NUP188: variants seen among roughly 807,000 people sequenced by gnomAD.
The protein encoded by NUP188 is nucleoporin 188, also known as nucleoporin NUP188.
NUP188 carries 97 observed loss-of-function variants against 223.0 expected under a neutral mutation model. That is an observed-to-expected ratio of 0.43 (90% CI 0.37 to 0.51). The LOEUF is 0.51. Among genes scored for constraint, NUP188 ranks in the 20% least tolerant of loss-of-function variants. NUP188 has a pLI of 0.00. For synonymous variants in NUP188, 869 were observed against 828.0 expected (o/e 1.05, Z -0.85); for missense variants, 1,947 against 2,175.6 (o/e 0.89, Z 2.09).
intron 30 of NUP188, among the ~76,000 whole-genome samples, 173 bp from the exon 31 acceptor site, chr9:128,997,978 C>G (rs1842559480): frequency 6.6e-6 from 1 of 152,142 alleles, no homozygotes; most frequent in Non-Finnish European, 1.5e-5. Context: ...CTCAGCCTCC[C>G]AAAGTGTTAG....
In NUP188 at chr9:128,958,001, TC is replaced by T. The variant is rs1355804831; in HGVS notation, c.328-8del. ...GATGGCCTCTTAACTGCTCTGTTTT[TC>T]TTTTCAGACAGTACTGCAAGATGAG... On this transcript the variant is annotated splice_region_variant and splice_polypyrimidine_tract_variant and intron_variant, in intron 5 of 43. Transcript: ENST00000372577. 2 of 1,610,686 alleles carry T rather than the reference TC, an allele frequency of 1.2e-6. No individual in the cohort carries two copies. Among genetic ancestry groups the T allele is most frequent in the African/African-American group, 2.7e-5 (2 of 74,830 alleles).
intron 14 of NUP188, 91 bp downstream of exon 14, chr9:128,980,816 T>A: frequency 2.2e-6 from 3 of 1,340,814 alleles, no homozygotes; most frequent in Non-Finnish European, 3.1e-6. Flanking sequence ...ATTGCAGTTC[T>A]ACTGCCATGA....
At chr9:128,986,971 C>T (rs1370511014) in intron 22 of NUP188, 96 bp downstream of exon 22, 3 of 1,069,422 alleles carry the variant, frequency 2.8e-6, no homozygotes, top group Admixed American at 2.1e-5. Context: ...GAGAATTTAC[C>T]TTGCTTGAGC....
chr9:128,988,267 G>A, intron 24 of NUP188, 81 bp downstream of exon 24: 1 of 1,492,716 alleles, frequency 6.7e-7, no homozygotes, highest in Non-Finnish European at 9.2e-7. Flanking sequence ...ATCTTAGGCA[G>A]TGTTTTTGGA....
At position 128,956,750 on chromosome 9, in the gene NUP188, A is replaced by G. The variant is rs1413516909; in HGVS notation, c.247-202A>G. On this transcript the variant is annotated intron_variant, in intron 4 of 43. Transcript: ENST00000372577. ...ATAAGCATCGTTGTTTCTGGCATGT[A>G]CATTTAATTGTAATAAAAATTGTAT... Among the ~76,000 whole-genome samples, 5 of 152,214 alleles carry G rather than the reference A, an allele frequency of 3.3e-5. No individual in the cohort carries two copies. In the East Asian group the frequency reaches 9.6e-4, roughly 29 times the overall value.
chr9:129,003,177 C>A, intron 37 of NUP188, 140 bp from the exon 38 acceptor site: 1 of 1,190,784 alleles, frequency 8.4e-7, no homozygotes, highest in Non-Finnish European at 1.2e-6. Flanking sequence ...GGTCAGAATC[C>A]TGGTTGTACC....
intron 12 of NUP188, among the ~76,000 whole-genome samples, chr9:128,976,742 C>T (rs1842181007): frequency 6.6e-6 from 1 of 151,478 alleles, no homozygotes; most frequent in Admixed American, 6.6e-5. Context: ...TGGGAGAATT[C>T]TGGTTACTTT....
chr9:128,998,463 T>G (rs1842569770), intron 31 of NUP188, 75 bp from the exon 32 acceptor site: 1 of 1,324,046 alleles, frequency 7.6e-7, no homozygotes, highest in South Asian at 1.2e-5. Context: ...AGAAAGGCAA[T>G]GAGGCCGGAG....
Position 129,001,590 on chromosome 9 carries a change from C to T in NUP188, c.3905C>T (p.Ser1302Phe). The T allele has an allele frequency of 6.2e-7, 1 of 1,614,064 alleles. No homozygotes were observed. The highest frequency in any genetic ancestry group is 8.5e-7 in the Non-Finnish European group (1 of 1,180,022). ...TGTGAGGTAGACGAGGATGGTGACT[C>T]CTGGCTGCAGGTAACCCGCAGGCTC... ...ELCEVDEDGD[S>F]WLQVTRRLPI... Residue 1302 changes from serine to phenylalanine, a missense_variant, in exon 35 of 44, where the codon TCC (serine) becomes TTC (phenylalanine). Ser to Phe is a radical substitution (Grantham distance 155, BLOSUM62 -2). Coordinates refer to ENST00000372577, the MANE Select transcript of NUP188 (RefSeq NM_015354.3).
intron 29 of NUP188, 192 bp downstream of exon 29, chr9:128,995,115 G>T (rs1842499684): frequency 1.6e-6 from 1 of 637,018 alleles, no homozygotes; most frequent in Non-Finnish European, 2.8e-6. Context: ...AAGAGTTATT[G>T]TGAAGCAAAC....
intron 22 of NUP188, 69 bp from the exon 23 acceptor site, chr9:128,987,520 G>C: frequency 6.6e-7 from 1 of 1,525,796 alleles, no homozygotes; most frequent in Non-Finnish European, 8.9e-7. Flanking sequence ...TAGCCTAATT[G>C]GACAATGCCC....
At chr9:128,958,202 A>C in intron 6 of NUP188, 148 bp downstream of exon 6, 1 of 623,442 alleles carries the variant, frequency 1.6e-6, no homozygotes. Flanking sequence ...ATTTATGAAA[A>C]GATGCTTTTA....
intron 25 of NUP188, 56 bp from the exon 26 acceptor site, chr9:128,993,141 C>A: frequency 7.0e-7 from 1 of 1,437,776 alleles, no homozygotes; most frequent in Non-Finnish European, 9.8e-7. Flanking sequence ...TGTGGGAGCC[C>A]ATTGAGGTTT....
At position 128,988,176 on chromosome 9, in the gene NUP188, CTCACAACATGGTATGTATTTCTCTTCCAG is replaced by C; in HGVS notation, c.2533+23_2533+51del. ...TGGTGTCCCCCCTGGAACAGGCTCT[CTCACAACATGGTATGTATTTCTCTTCCAG>C]TCACAACATGGTATGTATTTCTCTT... is the stretch of plus-strand genomic sequence containing the variant. On this transcript the variant is annotated splice_donor_variant and splice_donor_5th_base_variant and coding_sequence_variant and intron_variant, in exon 24 of 44. Coordinates refer to ENST00000372577, the MANE Select transcript of NUP188 (RefSeq NM_015354.3). LOFTEE classifies it high-confidence loss of function. The C allele has an allele frequency of 4.3e-5, 69 of 1,614,046 alleles. No individual in the cohort carries two copies. Among genetic ancestry groups the C allele is most frequent in the African/African-American group, 4.3e-4 (32 of 75,058 alleles).
Position 128,986,587 on chromosome 9 carries a change from A to T in NUP188, c.2106A>T (p.Gly702=), listed in dbSNP as rs755415492. ...AACTTGGTAGTACCCAGAGCCAAGG[A>T]CTTGTACCCTGTGTAATGTTTGTGC... ...KGQLGSTQSQ[G]LVPCVMFVLK... Residue 702 remains glycine (G), a synonymous_variant, in exon 21 of 44, where the codon GGA becomes GGT. Coordinates refer to ENST00000372577, the MANE Select transcript of NUP188 (RefSeq NM_015354.3). 1.5e-5 allele frequency: 25 copies of T among 1,614,030 alleles called. No individual in the cohort carries two copies. The Admixed American group carries it at 2.7e-4, about 17-fold the overall frequency.
In NUP188 at chr9:128,987,664, C is replaced by A. The variant is rs200153843; in HGVS notation, c.2340C>A (p.Ile780=). ...AAGCAGGACAGACAGTTATCAATAT[C>A]ATGGGCATTGGCGTGGACACCATTG... The part of the protein sequence containing the change: ...YTEAGQTVIN[I]MGIGVDTIDM... Residue 780 remains isoleucine (I), a synonymous_variant, in exon 23 of 44, where the codon ATC becomes ATA. Transcript: ENST00000372577. 170 of 1,614,014 alleles carry A rather than the reference C, an allele frequency of 1.1e-4. No homozygotes were observed. Among genetic ancestry groups the A allele is most frequent in the South Asian group, 2.2e-5 (2 of 91,060 alleles).
intron 33 of NUP188, 100 bp downstream of exon 33, chr9:128,999,417 G>T: frequency 6.8e-7 from 1 of 1,466,944 alleles, no homozygotes. Context: ...ATTTCTTCTG[G>T]GACTTTTGAG....
At position 128,970,753 on chromosome 9, in the gene NUP188, A is replaced by G; in HGVS notation, c.913-5A>G. The G allele has an allele frequency of 1.9e-6, 3 of 1,613,592 alleles. No homozygotes were observed. The highest frequency in any genetic ancestry group is 2.5e-6 in the Non-Finnish European group (3 of 1,179,514). On this transcript the variant is annotated splice_polypyrimidine_tract_variant and splice_region_variant and intron_variant, in intron 10 of 43. Transcript: ENST00000372577. ...AGATGTAGATGTGTTTTCTTCTCTC[A>G]CTAGGATATGGACTGTTTAATGTTG... is the stretch of plus-strand genomic sequence containing the variant.
At chr9:128,988,989 A>C (rs1436317756) in intron 24 of NUP188, among the ~76,000 whole-genome samples, 5 of 152,036 alleles carry the variant, frequency 3.3e-5, no homozygotes, top group Non-Finnish European at 7.4e-5. Flanking sequence ...TCCTGACCTC[A>C]GGTGACTTGC....
Sources: allele counts gnomAD v4.1 joint callset (sites outside exome capture counted in the v4.1 genomes callset), GRCh38; gene constraint gnomAD v4.1.1; transcripts MANE v1.5; gene names NCBI Gene and HGNC (gene_info 2026-07-23, HGNC 2026-07-21).